Variants in VPS13A observed in about 807,000 individuals in gnomAD.
VPS13A encodes the protein intermembrane lipid transfer protein VPS13A.
Under a neutral mutation model 390.9 loss-of-function variants are expected in VPS13A, and 264 were observed. That is an observed-to-expected ratio of 0.68 (90% CI 0.61 to 0.75). VPS13A has a LOEUF of 0.75. VPS13A is among the 30% of genes least tolerant of loss of function. The pLI is 0.00. For synonymous variants in VPS13A, 1,231 were observed against 1,227.1 expected (o/e 1.00, Z -0.07); for missense variants, 3,409 against 3,733.9 (o/e 0.91, Z 2.27).
intron 1 of VPS13A, among the ~76,000 whole-genome samples, chr9:77,185,646 A>G (rs1307159043): frequency 6.6e-6 from 1 of 152,062 alleles, no homozygotes; most frequent in African/African-American, 2.4e-5. Context: ...CTGTTTTGTT[A>G]TACTTGTTTC....
chr9:77,227,903 G>C (rs1336453585), intron 16 of VPS13A, among the ~76,000 whole-genome samples: 1 of 150,490 alleles, frequency 6.6e-6, no homozygotes, highest in Non-Finnish European at 1.5e-5. Context: ...TTACTGACTT[G>C]TTCTGTGATC....
intron 68 of VPS13A, chr9:77,390,007 A>G: frequency 1.2e-6 from 1 of 852,686 alleles, no homozygotes; most frequent in Non-Finnish European, 1.4e-6. Context: ...ATTGGAAGAT[A>G]ACTGCCGTCA....
intron 8 of VPS13A, 81 bp downstream of exon 8, chr9:77,213,109 A>T: frequency 6.4e-7 from 1 of 1,564,656 alleles, no homozygotes; most frequent in South Asian, 1.1e-5. Context: ...ATAAGGATGT[A>T]TGTGAATTTT....
intron 46 of VPS13A, among the ~76,000 whole-genome samples, chr9:77,336,556 G>T (rs1587610349): frequency 6.6e-6 from 1 of 151,912 alleles, no homozygotes; most frequent in Non-Finnish European, 1.5e-5. Context: ...ATTCAGTCAT[G>T]GCATTTATTT....
chr9:77,328,195 A>G (rs1270880460), intron 45 of VPS13A, among the ~76,000 whole-genome samples: 1 of 152,206 alleles, frequency 6.6e-6, no homozygotes, highest in African/African-American at 2.4e-5. Context: ...AACTCCAGTG[A>G]CAATGTGCAT....
At chr9:77,212,925 A>G in intron 7 of VPS13A, 44 bp from the exon 8 acceptor site, 1 of 1,600,300 alleles carries the variant, frequency 6.2e-7, no homozygotes, top group Non-Finnish European at 8.6e-7. Flanking sequence ...TGCTGTTTCA[A>G]ATGGAATGAC....
chr9:77,315,699 T>A (rs1342093895), intron 38 of VPS13A, among the ~76,000 whole-genome samples: 1 of 152,146 alleles, frequency 6.6e-6, no homozygotes, highest in Non-Finnish European at 1.5e-5. Context: ...TATGTTAGAA[T>A]AAGTAATTGT....
At chr9:77,256,433 T>G (rs1203600390) in intron 22 of VPS13A, among the ~76,000 whole-genome samples, 1 of 152,156 alleles carries the variant, frequency 6.6e-6, no homozygotes, top group Non-Finnish European at 1.5e-5. Flanking sequence ...CTGGAGAATG[T>G]TTCATATGCA....
rs142453846 is a variant in VPS13A, at chr9:77,186,683, G to T, written c.100+8879G>T. ...GATCTCTTGACCTAGTAATCTGCCC[G>T]CCTCGGCCTCCCAAAGTGCTGGGAT... On this transcript the variant is annotated intron_variant, in intron 1 of 71. Coordinates refer to ENST00000360280, the MANE Select transcript of VPS13A (RefSeq NM_033305.3). 4.6e-3 allele frequency among the ~76,000 whole-genome samples: 693 copies of T among 152,124 alleles called. 5 individuals are homozygous for T. Among genetic ancestry groups the T allele is most frequent in the Middle Eastern group, 0.02 (6 of 294 alleles).
intron 17 of VPS13A, 90 bp downstream of exon 17, chr9:77,228,354 A>G: frequency 7.8e-7 from 1 of 1,282,880 alleles, no homozygotes; most frequent in Admixed American, 2.6e-5. Flanking sequence ...TTTTGTAAAG[A>G]GCACTATAGT....
chr9:77,183,299 C>T (rs1010906261), intron 1 of VPS13A, among the ~76,000 whole-genome samples: 2 of 152,182 alleles, frequency 1.3e-5, no homozygotes, highest in Admixed American at 6.5e-5. Context: ...AGGTAACAAT[C>T]ATCACATGAT....
intron 31 of VPS13A, among the ~76,000 whole-genome samples, chr9:77,287,246 CTCTG>C (rs1199433911): frequency 6.6e-6 from 1 of 150,882 alleles, no homozygotes; most frequent in African/African-American, 2.4e-5. Flanking sequence ...CTCTCTCTCT[CTCTG>C]TCTCCAATCA....
At chr9:77,278,215 C>A (rs1398940404) in intron 26 of VPS13A, among the ~76,000 whole-genome samples, 1 of 150,466 alleles carries the variant, frequency 6.6e-6, no homozygotes, top group Admixed American at 6.6e-5. Context: ...GGACTACAGG[C>A]GCCCGCCACC....
intron 71 of VPS13A, among the ~76,000 whole-genome samples, chr9:77,414,253 G>T (rs1835068260): frequency 6.6e-6 from 1 of 152,156 alleles, no homozygotes; most frequent in Non-Finnish European, 1.5e-5. Context: ...ATACCCAAAG[G>T]ATTATAAATC....
chr9:77,254,160 G>A (rs1251686120), intron 22 of VPS13A, among the ~76,000 whole-genome samples: 1 of 151,864 alleles, frequency 6.6e-6, no homozygotes, highest in East Asian at 1.9e-4. Context: ...AGCCAGGATG[G>A]TCTTGATCTC....
intron 3 of VPS13A, 77 bp from the exon 4 acceptor site, chr9:77,205,236 A>G (rs951089005): frequency 2.1e-5 from 16 of 778,102 alleles, no homozygotes; most frequent in Non-Finnish European, 3.2e-5. Context: ...AATGCCTGAC[A>G]GAAAATAGAC....
chr9:77,407,669 C>G, intron 71 of VPS13A, 62 bp downstream of exon 71: 1 of 1,272,562 alleles, frequency 7.9e-7, no homozygotes, highest in Non-Finnish European at 1.1e-6. Flanking sequence ...TGTAAGTGGA[C>G]TATTTTTTAA....
chr9:77,383,380 A>G (rs915532238), intron 68 of VPS13A, among the ~76,000 whole-genome samples: 3 of 152,032 alleles, frequency 2.0e-5, no homozygotes, highest in African/African-American at 7.2e-5. Flanking sequence ...CTCTACAATG[A>G]CAGTGTATCG....
At chr9:77,361,806 A>G (rs575405300) in intron 59 of VPS13A, among the ~76,000 whole-genome samples, 5 of 152,016 alleles carry the variant, frequency 3.3e-5, no homozygotes, top group African/African-American at 9.7e-5. Flanking sequence ...TATCCCCAAC[A>G]CTTGTTACTA....
Sources: gnomAD v4.1 joint callset for allele counts (sites outside exome capture counted in the v4.1 genomes callset) on GRCh38, gnomAD v4.1.1 for gene constraint, MANE v1.5 for transcripts, NCBI Gene and HGNC (gene_info 2026-07-23, HGNC 2026-07-21) for gene names.